Variants in GNAQ observed in about 807,000 individuals in gnomAD.
The protein encoded by GNAQ is G protein subunit alpha q.
GNAQ carries 8 observed loss-of-function variants against 43.9 expected under a neutral mutation model. The ratio of observed to expected loss-of-function variants is 0.18; its 90% CI spans 0.11 to 0.33. The LOEUF is 0.33. Ranked by LOEUF, GNAQ falls within the 10% of genes least tolerant of loss-of-function variation. The pLI is 1.00. For missense variants in GNAQ, 158 were observed against 450.8 expected, an observed-to-expected ratio of 0.35 and a Z score of 5.88; for synonymous variants, 155 against 170.7, an observed-to-expected ratio of 0.91 and a Z score of 0.71.
intron 2 of GNAQ, among the ~76,000 whole-genome samples, chr9:77,917,498 C>A (rs1053369191): frequency 6.6e-6 from 1 of 151,442 alleles, no homozygotes; most frequent in African/African-American, 2.4e-5. Flanking sequence ...CACATGTGCC[C>A]CTGAACCTAA....
At chr9:77,832,443 G>A (rs1451374811) in intron 2 of GNAQ, among the ~76,000 whole-genome samples, 1 of 152,196 alleles carries the variant, frequency 6.6e-6, no homozygotes, top group African/African-American at 2.4e-5. Flanking sequence ...GCACTTGGAA[G>A]AGGATGGAGG....
chr9:77,952,819 A>G (rs1822998691), intron 1 of GNAQ, among the ~76,000 whole-genome samples: 1 of 152,252 alleles, frequency 6.6e-6, no homozygotes, highest in Non-Finnish European at 1.5e-5. Context: ...ATAAAACAAA[A>G]TATCAGGTTT....
chr9:77,979,296 C>T (rs1823340099), intron 1 of GNAQ, among the ~76,000 whole-genome samples: 1 of 149,552 alleles, frequency 6.7e-6, no homozygotes, highest in African/African-American at 2.5e-5. Context: ...GTAGAGGTTG[C>T]GGTGAGCCGA....
At chr9:77,934,514 G>GCCAGCCAAGTACTGCC in intron 1 of GNAQ, among the ~76,000 whole-genome samples, 1 of 152,176 alleles carries the variant, frequency 6.6e-6, no homozygotes, top group South Asian at 2.1e-4. Context: ...GCTAGAGGGA[G>GCCAGCCAAGTACTGCC]CCAGCCAAGT....
intron 1 of GNAQ, among the ~76,000 whole-genome samples, chr9:78,027,833 C>T (rs912287997): frequency 2.0e-5 from 3 of 150,944 alleles, no homozygotes; most frequent in Non-Finnish European, 2.9e-5. Flanking sequence ...TTTACTAAGT[C>T]TTCCTATTTG....
chr9:77,916,262 T>G (rs906223649), intron 2 of GNAQ, among the ~76,000 whole-genome samples: 1 of 152,192 alleles, frequency 6.6e-6, no homozygotes, highest in African/African-American at 2.4e-5. Context: ...TTCAGAGGGG[T>G]AGATAAGAAT....
chr9:77,977,147 C>T (rs1223433006), intron 1 of GNAQ, among the ~76,000 whole-genome samples: 2 of 152,090 alleles, frequency 1.3e-5, no homozygotes, highest in African/African-American at 2.4e-5. Flanking sequence ...ATGAGACACA[C>T]TGGATAAAGG....
intron 2 of GNAQ, among the ~76,000 whole-genome samples, chr9:77,848,389 A>G (rs1057156594): frequency 6.6e-6 from 1 of 151,998 alleles, no homozygotes; most frequent in East Asian, 1.9e-4. Context: ...AATTCAAACC[A>G]CTCTCACAGA....
At chr9:77,791,844 CT>C (rs1191096652) in intron 5 of GNAQ, among the ~76,000 whole-genome samples, 2 of 152,086 alleles carry the variant, frequency 1.3e-5, no homozygotes, top group Non-Finnish European at 2.9e-5. Context: ...ACAAAGTCTG[CT>C]TTGGATTAAA....
intron 5 of GNAQ, among the ~76,000 whole-genome samples, chr9:77,739,382 T>C (rs1205639945): frequency 6.6e-6 from 1 of 152,182 alleles, no homozygotes; most frequent in Non-Finnish European, 1.5e-5. Context: ...TCTGCTCAGG[T>C]TTTTTTGCTC....
intron 2 of GNAQ, among the ~76,000 whole-genome samples, chr9:77,910,267 T>G (rs1302392809): frequency 1.3e-5 from 2 of 152,172 alleles, no homozygotes; most frequent in African/African-American, 2.4e-5. Context: ...ATTTCTCATA[T>G]CCTCCCTCGA....
chr9:77,873,711 C>A (rs1477308166), intron 2 of GNAQ, among the ~76,000 whole-genome samples: 1 of 152,222 alleles, frequency 6.6e-6, no homozygotes, highest in African/African-American at 2.4e-5. Flanking sequence ...GCAAGATATA[C>A]AAAAGCAGCT....
At chr9:78,001,428 G>A (rs1330382205) in intron 1 of GNAQ, among the ~76,000 whole-genome samples, 1 of 151,906 alleles carries the variant, frequency 6.6e-6, no homozygotes, top group Non-Finnish European at 1.5e-5. Flanking sequence ...ATAGAAAGCA[G>A]TGCCTCTAAG....
Position 77,946,553 on chromosome 9 carries a change from C to T in GNAQ, c.137-24208G>A, listed in dbSNP as rs760350979. ...CACAAACCAACGTGCAAAACCTGGG[C>T]GTATGACCCAGCAGTCGTGCTCCAC... On this transcript the variant is annotated intron_variant, in intron 1 of 6. Coordinates refer to ENST00000286548, the MANE Select transcript of GNAQ (RefSeq NM_002072.5). Among the ~76,000 whole-genome samples the T allele has an allele frequency of 5.9e-5, 9 of 152,170 alleles. 1 individual carries two copies. The highest frequency in any genetic ancestry group is 1.0e-4 in the Non-Finnish European group (7 of 68,032).
At chr9:77,799,565 G>C (rs1321849020) in intron 3 of GNAQ, among the ~76,000 whole-genome samples, 1 of 152,092 alleles carries the variant, frequency 6.6e-6, no homozygotes, top group African/African-American at 2.4e-5. Context: ...TGGTATTTCT[G>C]TATGAATGAT....
intron 1 of GNAQ, among the ~76,000 whole-genome samples, chr9:77,973,366 C>T (rs1271659286): frequency 2.0e-5 from 3 of 152,162 alleles, no homozygotes; most frequent in Non-Finnish European, 4.4e-5. Context: ...CTGGTGTATG[C>T]CCTCATTTCT....
rs74902584 is a variant in GNAQ, at chr9:77,973,486, C to T, written c.137-51141G>A. ...TCATTAGGAAGAGTTCACAACCACA[C>T]TGAGATTCAAGTCAATTCTTTGAGG... On this transcript the variant is annotated intron_variant, in intron 1 of 6. Coordinates refer to ENST00000286548, the MANE Select transcript of GNAQ (RefSeq NM_002072.5). Among the ~76,000 whole-genome samples, 18 of 152,250 alleles carry T rather than the reference C, an allele frequency of 1.2e-4. No individual in the cohort carries two copies. The East Asian group carries it at 2.5e-3, about 21-fold the overall frequency.
chr9:77,879,730 T>C (rs894108869), intron 2 of GNAQ, among the ~76,000 whole-genome samples: 4 of 152,248 alleles, frequency 2.6e-5, no homozygotes, highest in South Asian at 2.1e-4. Flanking sequence ...TACTGCAAAG[T>C]AGTCCCTTGA....
At chr9:77,884,016 G>A (rs1457961465) in intron 2 of GNAQ, among the ~76,000 whole-genome samples, 1 of 152,216 alleles carries the variant, frequency 6.6e-6, no homozygotes, top group Non-Finnish European at 1.5e-5. Context: ...CCTCAAAACA[G>A]AAATGGAGGG....
Sources: gnomAD v4.1 joint callset for allele counts (sites outside exome capture counted in the v4.1 genomes callset) on GRCh38, gnomAD v4.1.1 for gene constraint, MANE v1.5 for transcripts, NCBI Gene and HGNC (gene_info 2026-07-23, HGNC 2026-07-21) for gene names.